Variants in POLR1G observed in about 807,000 individuals in gnomAD.
POLR1G encodes the protein RNA polymerase I subunit G, also known as DNA-directed RNA polymerase I subunit RPA34.
POLR1G carries 9 observed loss-of-function variants against 6.3 expected under a neutral mutation model. The observed-to-expected ratio is 1.44, with a 90% CI of 0.87 to 2.51. POLR1G has a LOEUF of 2.51. Among genes scored for constraint, POLR1G ranks in the 30% most tolerant of loss-of-function variants. POLR1G has a pLI of 0.00. For synonymous variants in POLR1G, 248 were observed against 256.5 expected (o/e 0.97, Z 0.32); for missense variants, 617 against 632.5 (o/e 0.98, Z 0.26).
At chr19:45,407,983 G>A (rs934593217) in intron 2 of POLR1G, 150 bp from the exon 3 acceptor site, 1 of 1,013,516 alleles carries the variant, frequency 9.9e-7, no homozygotes, top group African/African-American at 1.6e-5. Context: ...GAACCCAGGA[G>A]GTGGACATTG....
chr19:45,409,895 A>ATTATTTTT lies in POLR1G; in HGVS notation c.*396_*397insATTTTTTT, dbSNP rs1555785258. Reference sequence around the variant, plus strand: ...TTTTTAAGTTATTATTATTATTATTATTTTTTTTTTTTTTGAGATGGAGTC... The same window carrying ATTATTTTT: ...TTTTTAAGTTATTATTATTATTATTATTATTTTTTTTTTTTTTTTTTTGAGATGGAGTC... On this transcript the variant is annotated 3_prime_UTR_variant, in exon 3 of 3. Coordinates refer to ENST00000309424, the MANE Select transcript of POLR1G (RefSeq NM_012099.3). The ATTATTTTT allele has an allele frequency of 1.9e-3, 326 of 171,614 alleles. No homozygotes were observed. The highest frequency in any genetic ancestry group is 6.6e-3 in the Middle Eastern group (3 of 456). The allele number at this position is 171,614 out of a possible 1,614,324, so 10.6% of individuals were successfully genotyped here.
chr19:45,407,659 G>T, intron 2 of POLR1G: 1 of 254,018 alleles, frequency 3.9e-6, no homozygotes, highest in Non-Finnish European at 7.5e-6. Context: ...AATTATAATT[G>T]GTGGTCAGCC....
In POLR1G at chr19:45,409,364, C is replaced by A; in HGVS notation, c.1396C>A (p.Gln466Lys). 6.2e-7 allele frequency: 1 copy of A among 1,614,122 alleles called. No individual in the cohort carries two copies. The highest frequency in any genetic ancestry group is 8.5e-7 in the Non-Finnish European group (1 of 1,180,020). The change falls in exon 3 of 3, where the codon CAG becomes AAG. Residue 466 changes from glutamine (Q) to lysine (K), a missense_variant. Coordinates refer to ENST00000309424, the MANE Select transcript of POLR1G (RefSeq NM_012099.3). ...TPGSTKKRKK[Q>K]SQESRMPETV... ...GGGATCCACCAAGAAGAGGAAGAAG[C>A]AGAGTCAGGAAAGCCGGATGCCAGA...
chr19:45,409,189 G>C lies in POLR1G; in HGVS notation c.1221G>C (p.Glu407Asp). ...VEPETEVVGP[E>D]LPDDLEPQAA... is the part of the protein sequence containing the mutation. ...CAGAGACAGAGGTGGTGGGGCCTGA[G>C]CTGCCGGATGACCTTGAGCCTCAGG... The change falls in exon 3 of 3, where the codon GAG becomes GAC. Residue 407 changes from glutamate (E) to aspartate (D), a missense_variant. By Grantham distance (45) the Glu-to-Asp change is conservative. Transcript: ENST00000309424. 1 of 1,613,686 alleles carries C rather than the reference G, an allele frequency of 6.2e-7. No homozygotes were observed. The highest frequency in any genetic ancestry group is 8.5e-7 in the Non-Finnish European group (1 of 1,179,746).
At position 45,408,307 on chromosome 19, in the gene POLR1G, C is replaced by T. The variant is rs201322262; in HGVS notation, c.339C>T (p.Gly113=). ...TCACCTGTGCCTCAGCCCCCCAGGG[C>T]ACCCTAAGGATCCTTGAGGGTCCCC... ...GGLTCASAPQ[G]TLRILEGPQQ... The change falls in exon 3 of 3, where the codon GGC becomes GGT. Residue 113 remains glycine (G), a synonymous_variant. Coordinates refer to ENST00000309424, the MANE Select transcript of POLR1G (RefSeq NM_012099.3). 153 of 1,612,638 alleles carry T rather than the reference C, an allele frequency of 9.5e-5. No homozygotes were observed. The highest frequency in any genetic ancestry group is 1.2e-4 in the Non-Finnish European group (140 of 1,179,236).
intron 2 of POLR1G, 178 bp downstream of exon 2, chr19:45,407,413 C>A: frequency 3.4e-6 from 2 of 591,572 alleles, no homozygotes; most frequent in Non-Finnish European, 5.8e-6. Context: ...GAGAAACCCA[C>A]AGCCCTTTGT....
Position 45,406,862 on chromosome 19 carries a change from G to T in POLR1G, c.22+144G>T, listed in dbSNP as rs145864205. Reference sequence around the variant, plus strand: ...ATTCCCAGTGGGCGAACGGGAATTCGAACGGAGAGAGGGTTATCTTGTGGG... The same window carrying T: ...ATTCCCAGTGGGCGAACGGGAATTCTAACGGAGAGAGGGTTATCTTGTGGG... On this transcript the variant is annotated intron_variant, in intron 1 of 2. Transcript: ENST00000309424. The surrounding 1 kb of genome is among the most constrained non-coding windows in gnomAD (Gnocchi z 4.2). The T allele has an allele frequency of 1.1e-4, 108 of 984,178 alleles. No individual in the cohort carries two copies. The East Asian group carries it at 3.0e-3, about 28-fold the overall frequency. The allele number at this position is 984,178 out of a possible 1,614,324, so 61.0% of individuals were successfully genotyped here.
rs761300455 is a variant in POLR1G, at chr19:45,408,257, CCCT to C, written c.291_293del (p.Ser98del). 24 of 1,614,002 alleles carry C rather than the reference CCCT, an allele frequency of 1.5e-5. No individual in the cohort carries two copies. Among genetic ancestry groups the C allele is most frequent in the Middle Eastern group, 1.6e-4 (1 of 6,084 alleles). The stretch of plus-strand genomic sequence containing the variant: ...AGCTGGAGAAGCGACCCTGCTGGCC[CCCT>C]CAACGGAGGCAGGAGGTGGACTCAC... On this transcript the variant is annotated inframe_deletion, in exon 3 of 3. Transcript: ENST00000309424.
intron 2 of POLR1G, 60 bp from the exon 3 acceptor site, chr19:45,408,073 C>A (rs187794054): frequency 3.2e-4 from 483 of 1,487,174 alleles, no homozygotes; most frequent in African/African-American, 5.4e-4. Context: ...AAAAAAAAAT[C>A]AAAAAACCTT....
Position 45,409,247 on chromosome 19 carries a change from A to G in POLR1G, c.1279A>G (p.Lys427Glu). Reference sequence around the variant, plus strand: ...CACATCCACCAAGAAGAAGAAGAAGAAGAAAGAGAGAGGTCACACAGTGAC... The same window carrying G: ...CACATCCACCAAGAAGAAGAAGAAGGAGAAAGAGAGAGGTCACACAGTGAC... ...APTSTKKKKK[K>E]KERGHTVTEP... The change falls in exon 3 of 3, where the codon AAG (lysine) becomes GAG (glutamate). Residue 427 changes from lysine (K) to glutamate (E), a missense_variant. Lys to Glu is a moderately conservative substitution (Grantham distance 56). Coordinates refer to ENST00000309424, the MANE Select transcript of POLR1G (RefSeq NM_012099.3). 1 of 1,613,606 alleles carries G rather than the reference A, an allele frequency of 6.2e-7. No individual in the cohort carries two copies. Among genetic ancestry groups the G allele is most frequent in the Admixed American group, 1.7e-5 (1 of 59,966 alleles).
In POLR1G at chr19:45,406,673, G is replaced by C. The variant is rs762137203; in HGVS notation, c.-24G>C. 3 of 1,546,598 alleles carry C rather than the reference G, an allele frequency of 1.9e-6. No homozygotes were observed. The African/African-American group carries it at 4.1e-5, about 21-fold the overall frequency. On this transcript the variant is annotated 5_prime_UTR_variant, in exon 1 of 3. Coordinates refer to ENST00000309424, the MANE Select transcript of POLR1G (RefSeq NM_012099.3). The surrounding 1 kb of genome is among the most constrained non-coding windows in gnomAD (Gnocchi z 4.2). ...TGGTGCGAGCAGCCCGGGCTACAGG[G>C]TTGCCTGAGGTGTGGGTCCCAGGAT...
chr19:45,407,190 C>A lies in POLR1G; in HGVS notation c.119C>A (p.Thr40Lys). 6.2e-7 allele frequency: 1 copy of A among 1,613,282 alleles called. No individual in the cohort carries two copies. The highest frequency in any genetic ancestry group is 8.5e-7 in the Non-Finnish European group (1 of 1,179,778). The change falls in exon 2 of 3, where the codon ACG becomes AAG. Residue 40 changes from threonine to lysine, a missense_variant. Thr to Lys is a moderately conservative substitution (Grantham distance 78, BLOSUM62 -1). Coordinates refer to ENST00000309424, the MANE Select transcript of POLR1G (RefSeq NM_012099.3). ...FSLEALTGPD[T>K]ELWLIQAPAD... ...TTGGAGGCGCTGACGGGTCCAGATA[C>A]GGAGCTGTGGCTTATTCAGGCCCCT...
chr19:45,406,936 T>C lies in POLR1G; in HGVS notation c.23-158T>C, dbSNP rs566494413. The C allele has an allele frequency of 7.3e-6, 8 of 1,093,766 alleles. No homozygotes were observed. Among genetic ancestry groups the C allele is most frequent in the South Asian group, 6.6e-5 (4 of 60,182 alleles). The allele number at this position is 1,093,766 out of a possible 1,614,324, so 67.8% of individuals were successfully genotyped here. ...GCCCCCAGGGGTTGGATCGGTGAAA[T>C]TGAGGTCGCCCCTGGGGAACAGGTG... On this transcript the variant is annotated intron_variant, in intron 1 of 2. Transcript: ENST00000309424. The surrounding 1 kb of genome is among the most constrained non-coding windows in gnomAD (Gnocchi z 4.2).
intron 2 of POLR1G, chr19:45,407,520 G>C: frequency 2.6e-6 from 1 of 391,912 alleles, no homozygotes; most frequent in Non-Finnish European, 4.5e-6. Context: ...TGTTATCCAC[G>C]ACCATTAATC....
At position 45,409,475 on chromosome 19, in the gene POLR1G, AAGCAGC is replaced by A. The variant is rs763194578; in HGVS notation, c.1520_1525del (p.Gln507_Gln508del). The A allele has an allele frequency of 6.2e-7, 1 of 1,609,538 alleles. No homozygotes were observed. Among genetic ancestry groups the A allele is most frequent in the Non-Finnish European group, 8.5e-7 (1 of 1,178,420 alleles). ...TCCCACAGGCCGGGACAAGAAGCGG[AAGCAGC>A]AGCAGCAGCAGCCTGTGTAGTCTGC... is the stretch of plus-strand genomic sequence containing the variant. On this transcript the variant is annotated inframe_deletion, in exon 3 of 3. Coordinates refer to ENST00000309424, the MANE Select transcript of POLR1G (RefSeq NM_012099.3).
In POLR1G at chr19:45,409,895, A is replaced by ATTTTAT; in HGVS notation, c.*398_*399insATTTTT. The ATTTTAT allele has an allele frequency of 1.2e-5, 2 of 169,606 alleles. No homozygotes were observed. Among genetic ancestry groups the ATTTTAT allele is most frequent in the African/African-American group, 5.6e-5 (2 of 35,898 alleles). The allele number at this position is 169,606 out of a possible 1,614,324, so 10.5% of individuals were successfully genotyped here. A position where few individuals can be genotyped will look rare whatever the true frequency, so the allele number is the denominator to read the frequency against. On this transcript the variant is annotated 3_prime_UTR_variant, in exon 3 of 3. Transcript: ENST00000309424. ...TTTTTAAGTTATTATTATTATTATT[A>ATTTTAT]TTTTTTTTTTTTTTGAGATGGAGTC... is the stretch of plus-strand genomic sequence containing the variant.
In POLR1G at chr19:45,406,798, A is replaced by G; in HGVS notation, c.22+80A>G. On this transcript the variant is annotated intron_variant, in intron 1 of 2. Coordinates refer to ENST00000309424, the MANE Select transcript of POLR1G (RefSeq NM_012099.3). This position sits in a 1 kb window ranked among gnomAD's most constrained non-coding sequence, Gnocchi z 4.2. ...GCGTCCGAGAGGGTTCGGGCGGAAA[A>G]GGAGGCGTACCTGCAAGCAGGACTT... 1.5e-6 allele frequency: 2 copies of G among 1,345,108 alleles called. No individual in the cohort carries two copies. Among genetic ancestry groups the G allele is most frequent in the Non-Finnish European group, 2.0e-6 (2 of 1,003,722 alleles). 83.3% of individuals were successfully genotyped at this position (1,345,108 alleles called of 1,614,324 possible).
Position 45,408,383 on chromosome 19 carries a change from C to A in POLR1G, c.415C>A (p.Pro139Thr), listed in dbSNP as rs1218538552. Reference protein sequence around the residue: ...PLQPIPASPPPQIPPGLRPRF... With the variant: ...PLQPIPASPPTQIPPGLRPRF... ...GCAGCCCATCCCAGCAAGTCCCCCA[C>A]CACAGATCCCTCCTGGCCTGAGGCC... The change falls in exon 3 of 3, where the codon CCA (proline) becomes ACA (threonine). Residue 139 changes from proline (P) to threonine (T), a missense_variant. Pro to Thr is a conservative substitution (Grantham distance 38). Coordinates refer to ENST00000309424, the MANE Select transcript of POLR1G (RefSeq NM_012099.3). The A allele has an allele frequency of 2.5e-6, 4 of 1,610,844 alleles. No individual in the cohort carries two copies. Among genetic ancestry groups the A allele is most frequent in the Admixed American group, 3.3e-5 (2 of 59,874 alleles).
Position 45,408,880 on chromosome 19 carries a change from G to A in POLR1G, c.912G>A (p.Gly304=), listed in dbSNP as rs1304153580. The A allele has an allele frequency of 1.1e-5, 18 of 1,614,072 alleles. No homozygotes were observed. The highest frequency in any genetic ancestry group is 1.5e-5 in the Non-Finnish European group (18 of 1,180,052). ...KGTEGMEPEE[G]VTVESQPQVK... is the part of the protein sequence containing the mutation. ...CGGAAGGGATGGAGCCAGAGGAGGG[G>A]GTGACAGTTGAGTCTCAGCCACAGG... The change falls in exon 3 of 3, where the codon GGG becomes GGA. Residue 304 remains glycine, a synonymous_variant. Transcript: ENST00000309424.
Sources: gnomAD v4.1 joint callset for allele counts on GRCh38, gnomAD v4.1.1 for gene constraint, Gnocchi (gnomAD v3.1) non-coding constraint, MANE v1.5 for transcripts, NCBI Gene and HGNC (gene_info 2026-07-23, HGNC 2026-07-21) for gene names.